Variants in POU6F2 observed in about 807,000 individuals in gnomAD.
POU6F2 encodes POU class 6 homeobox 2.
In POU6F2, 31 loss-of-function variants were observed where a neutral mutation model predicts 71.3. That is an observed-to-expected ratio of 0.43 (90% CI 0.33 to 0.59). The LOEUF is 0.59. Ranked by LOEUF, POU6F2 falls within the 20% of genes least tolerant of loss-of-function variation. The pLI is 0.04. For synonymous variants in POU6F2, 347 were observed against 355.7 expected, an observed-to-expected ratio of 0.98 and a Z score of 0.27; for missense variants, 783 against 856.8, an observed-to-expected ratio of 0.91 and a Z score of 1.07.
In POU6F2 at chr7:39,464,237, A is replaced by G. The variant is rs1237153880; in HGVS notation, c.1714A>G (p.Ile572Val). The stretch of plus-strand genomic sequence containing the variant: ...ACCACAGGAAGCCCAAGAGAACACT[A>G]TAGCTAGCAGTCTGACAGCCAAACT... ...FLPQEAQENT[I>V]ASSLTAKLNP... Residue 572 changes from isoleucine (I) to valine (V), a missense_variant, in exon 10 of 10, where the codon ATA becomes GTA. Ile to Val is a conservative substitution (Grantham distance 29). This residue lies in a region of POU6F2 where 211 missense variants were observed against 283.9 expected (regional missense o/e 0.74). Coordinates refer to ENST00000518318, the MANE Select transcript of POU6F2 (RefSeq NM_001370959.1). The surrounding 1 kb of genome is among the most constrained non-coding windows in gnomAD (Gnocchi z 4.1). 1 of 1,613,828 alleles carries G rather than the reference A, an allele frequency of 6.2e-7. No homozygotes were observed. Among genetic ancestry groups the G allele is most frequent in the East Asian group, 2.2e-5 (1 of 44,890 alleles).
rs1374692793 is a variant in POU6F2, at chr7:39,408,913, G to A, written c.1113+2173G>A. Among the ~76,000 whole-genome samples, 9 of 152,200 alleles carry A rather than the reference G, an allele frequency of 5.9e-5. No individual in the cohort carries two copies. The East Asian group carries it at 1.3e-3, about 23-fold the overall frequency. On this transcript the variant is annotated intron_variant, in intron 6 of 9. Coordinates refer to ENST00000518318, the MANE Select transcript of POU6F2 (RefSeq NM_001370959.1). ...TGCATGTCCTACAACTGTTGGCACAGAGATACTTGTGTGACCCTATGAAGT... is the reference window on the plus strand; with the variant it reads ...TGCATGTCCTACAACTGTTGGCACAAAGATACTTGTGTGACCCTATGAAGT...
At chr7:39,240,540 T>C (rs1000819734) in intron 4 of POU6F2, among the ~76,000 whole-genome samples, 4 of 152,088 alleles carry the variant, frequency 2.6e-5, no homozygotes, top group African/African-American at 4.8e-5. Context: ...TTCCTACCAA[T>C]CAACTCAAAC....
At chr7:39,205,688 G>A (rs1178941466) in intron 3 of POU6F2, among the ~76,000 whole-genome samples, 1 of 152,110 alleles carries the variant, frequency 6.6e-6, no homozygotes, top group East Asian at 1.9e-4. Context: ...TTTAAAAAGG[G>A]AAGCACAGTT....
intron 8 of POU6F2, among the ~76,000 whole-genome samples, chr7:39,455,158 C>G (rs1286540833): frequency 6.6e-6 from 1 of 151,984 alleles, no homozygotes; most frequent in African/African-American, 2.4e-5. Flanking sequence ...ACAAATGTCC[C>G]AATTAGGTTT....
chr7:39,059,316 TC>T (rs1790602553), intron 1 of POU6F2, among the ~76,000 whole-genome samples: 1 of 152,050 alleles, frequency 6.6e-6, no homozygotes, highest in Admixed American at 6.6e-5. Context: ...TATATATACT[TC>T]TAGGAGACTC....
intron 2 of POU6F2, among the ~76,000 whole-genome samples, chr7:39,136,807 A>G (rs977300576): frequency 6.6e-6 from 1 of 151,614 alleles, no homozygotes; most frequent in Non-Finnish European, 1.5e-5. Flanking sequence ...CAGCCTGAGC[A>G]ACATAGCAAG....
At chr7:39,011,974 A>G (rs549550038) in intron 1 of POU6F2, among the ~76,000 whole-genome samples, 5 of 151,848 alleles carry the variant, frequency 3.3e-5, no homozygotes, top group African/African-American at 1.2e-4. Context: ...CTTCATTTCA[A>G]CTTTGGTGAA....
At chr7:39,140,942 A>G (rs1398494009) in intron 2 of POU6F2, among the ~76,000 whole-genome samples, 3 of 152,200 alleles carry the variant, frequency 2.0e-5, no homozygotes, top group African/African-American at 7.2e-5. Context: ...ACACCACTGC[A>G]ACACAGGGGC....
rs1793105647 is a variant in POU6F2 at position 39,166,016 on chromosome 7, T to A, written c.278-38219T>A. Among the ~76,000 whole-genome samples, 4 of 152,198 alleles carry A rather than the reference T, an allele frequency of 2.6e-5. No homozygotes were observed. In the South Asian group the frequency reaches 8.3e-4, roughly 32 times the overall value. The stretch of plus-strand genomic sequence containing the variant: ...TCTCCCTACTCTAGGATGTTTAACA[T>A]CATCCCTGTCATTGCACCTCACTAC... On this transcript the variant is annotated intron_variant, in intron 2 of 9. Transcript: ENST00000518318.
At chr7:39,135,530 A>G (rs1017188727) in intron 2 of POU6F2, among the ~76,000 whole-genome samples, 9 of 152,156 alleles carry the variant, frequency 5.9e-5, no homozygotes, top group African/African-American at 2.2e-4. Context: ...ACAATGCATT[A>G]ATACATCAAG....
intron 4 of POU6F2, among the ~76,000 whole-genome samples, chr7:39,301,541 C>T (rs1211867225): frequency 1.3e-5 from 2 of 152,172 alleles, no homozygotes; most frequent in African/African-American, 4.8e-5. Flanking sequence ...GAAACCACCA[C>T]AAAGATTGCT....
chr7:38,997,148 TG>T (rs76664364), intron 1 of POU6F2, among the ~76,000 whole-genome samples: 15,432 of 152,256 alleles, frequency 0.1, 857 homozygotes, highest in East Asian at 0.13. Context: ...GATTTCCACC[TG>T]CTCTGTGTTG....
In POU6F2 at chr7:39,102,769, G is replaced by A. The variant is rs1268766550; in HGVS notation, c.277+16738G>A. Among the ~76,000 whole-genome samples the A allele has an allele frequency of 2.6e-5, 4 of 152,260 alleles. No individual in the cohort carries two copies. The East Asian group carries it at 5.8e-4, about 22-fold the overall frequency. On this transcript the variant is annotated intron_variant, in intron 2 of 9. Coordinates refer to ENST00000518318, the MANE Select transcript of POU6F2 (RefSeq NM_001370959.1). ...CATCATTGTGTGAATGTCATAGAGTGTACTTACGTAAATCTAGATGGTGGA... is the reference window on the plus strand; with the variant it reads ...CATCATTGTGTGAATGTCATAGAGTATACTTACGTAAATCTAGATGGTGGA...
At chr7:39,179,641 T>C (rs1450495125) in intron 2 of POU6F2, among the ~76,000 whole-genome samples, 5 of 152,214 alleles carry the variant, frequency 3.3e-5, no homozygotes, top group Admixed American at 3.3e-4. Flanking sequence ...TCTGGGGTGG[T>C]CTGAGGCTCT....
intron 6 of POU6F2, among the ~76,000 whole-genome samples, chr7:39,431,597 A>C (rs1034538039): frequency 1.3e-5 from 2 of 152,160 alleles, no homozygotes; most frequent in Admixed American, 1.3e-4. Flanking sequence ...GGCACCCTCC[A>C]AGGTCCTCCA....
intron 4 of POU6F2, among the ~76,000 whole-genome samples, chr7:39,308,575 C>T (rs1785093847): frequency 6.6e-6 from 1 of 152,310 alleles, no homozygotes; most frequent in South Asian, 2.1e-4. Flanking sequence ...TAAAAATAAC[C>T]TCAGAATTCC....
chr7:39,232,659 G>C (rs192251429), intron 4 of POU6F2, among the ~76,000 whole-genome samples: 1 of 152,190 alleles, frequency 6.6e-6, no homozygotes, highest in Non-Finnish European at 1.5e-5. Flanking sequence ...TTGTTGGTAG[G>C]TTTCCTTTAA....
intron 5 of POU6F2, among the ~76,000 whole-genome samples, chr7:39,365,083 AT>A (rs1328255638): frequency 6.6e-6 from 1 of 152,128 alleles, no homozygotes; most frequent in Non-Finnish European, 1.5e-5. Context: ...AGAATTGTCT[AT>A]TCATGCCCTT....
chr7:39,019,107 G>C (rs1584502874), intron 1 of POU6F2, among the ~76,000 whole-genome samples: 1 of 151,978 alleles, frequency 6.6e-6, no homozygotes, highest in African/African-American at 2.4e-5. Context: ...TTATTTGGTG[G>C]CATCCTCAAG....
Sources: allele counts gnomAD v4.1 joint callset (sites outside exome capture counted in the v4.1 genomes callset), GRCh38; gene constraint gnomAD v4.1.1; regional missense constraint gnomAD v4.1.1; non-coding constraint Gnocchi (gnomAD v3.1); transcripts MANE v1.5; gene names NCBI Gene and HGNC (gene_info 2026-07-23, HGNC 2026-07-21).